Variants in RSU1 observed in about 807,000 individuals in gnomAD.
RSU1 encodes the protein Ras suppressor protein 1, also known as rsu-1.
RSU1 carries 26 observed loss-of-function variants against 31.1 expected under a neutral mutation model. The ratio of observed to expected loss-of-function variants is 0.84; its 90% CI spans 0.61 to 1.16. The LOEUF is 1.16. RSU1 is among the 50% of genes most tolerant of loss of function. RSU1 has a pLI of 0.00. For missense variants in RSU1, 320 were observed against 339.1 expected (o/e 0.94, Z 0.44); for synonymous variants, 164 against 136.3 (o/e 1.20, Z -1.41).
chr10:16,692,603 C>G (rs535329240), intron 8 of RSU1, among the ~76,000 whole-genome samples: 21 of 152,224 alleles, frequency 1.4e-4, no homozygotes, highest in African/African-American at 4.8e-4. Flanking sequence ...AGAGCCCCAT[C>G]TAAAACTCAC....
chr10:16,661,287 CGTGTGTGTGTGTGTGTGT>C (rs56675037), intron 8 of RSU1, among the ~76,000 whole-genome samples: 6 of 132,830 alleles, frequency 4.5e-5, no homozygotes, highest in African/African-American at 8.8e-5. Context: ...GTAGAGAGTG[CGTGTGTGTGTGTGTGTGT>C]GTGTGTGTGT....
chr10:16,788,255 TC>T (rs1283547340), intron 2 of RSU1, among the ~76,000 whole-genome samples: 3 of 152,198 alleles, frequency 2.0e-5, no homozygotes, highest in Non-Finnish European at 1.5e-5. Flanking sequence ...GCCCCTGGTT[TC>T]CCGTTACCAA....
At chr10:16,675,477 G>A (rs1275229610) in intron 8 of RSU1, among the ~76,000 whole-genome samples, 1 of 152,098 alleles carries the variant, frequency 6.6e-6, no homozygotes, top group African/African-American at 2.4e-5. Flanking sequence ...TTTCAGGCAG[G>A]TATTGCTCTG....
rs1833505243 is a variant in RSU1, at chr10:16,591,582, A to G, written c.*1812T>C. ...ATTTGCACATTTCTCTTTGTTACAC[A>G]TGGCTTCTTTTTGCTTTGATCTGTA... is the stretch of plus-strand genomic sequence containing the variant. On this transcript the variant is annotated 3_prime_UTR_variant, in exon 9 of 9. Transcript: ENST00000345264. 1 of 152,158 alleles carries G rather than the reference A, an allele frequency of 6.6e-6. No homozygotes were observed. The highest frequency in any genetic ancestry group is 2.4e-5 in the African/African-American group (1 of 41,432). The allele number at this position is 152,158 out of a possible 1,614,324, so 9.4% of individuals were successfully genotyped here. A position where few individuals can be genotyped will look rare whatever the true frequency, so the allele number is the denominator to read the frequency against.
chr10:16,746,265 AG>A (rs1360080711), intron 7 of RSU1, among the ~76,000 whole-genome samples: 10 of 152,220 alleles, frequency 6.6e-5, no homozygotes, highest in African/African-American at 1.9e-4. Flanking sequence ...CAGGGCACTA[AG>A]CTGGCTAGCC....
intron 8 of RSU1, among the ~76,000 whole-genome samples, chr10:16,661,906 C>G (rs1004621631): frequency 6.6e-6 from 1 of 152,200 alleles, no homozygotes. Flanking sequence ...TCTACTCTTA[C>G]AAGTTCAGCA....
chr10:16,636,098 A>G (rs1016630290), intron 8 of RSU1, among the ~76,000 whole-genome samples: 9 of 151,822 alleles, frequency 5.9e-5, no homozygotes, highest in African/African-American at 2.2e-4. Context: ...TTTTATACTC[A>G]CTTGCTAAGT....
intron 8 of RSU1, among the ~76,000 whole-genome samples, chr10:16,665,900 T>C (rs1834980346): frequency 1.3e-5 from 2 of 152,218 alleles, no homozygotes; most frequent in South Asian, 4.1e-4. Context: ...GCTATGCAGT[T>C]ATGAATAATT....
intron 8 of RSU1, among the ~76,000 whole-genome samples, chr10:16,647,815 T>C (rs1334334721): frequency 6.6e-6 from 1 of 152,192 alleles, no homozygotes; most frequent in Non-Finnish European, 1.5e-5. Flanking sequence ...GTGAATTGTA[T>C]GGGATGTGAA....
intron 3 of RSU1, among the ~76,000 whole-genome samples, chr10:16,776,659 A>G (rs1021339722): frequency 8.5e-5 from 13 of 152,156 alleles, no homozygotes; most frequent in Non-Finnish European, 5.9e-5. Context: ...GTATAAAACT[A>G]AACAATTACA....
chr10:16,604,235 C>T (rs980169091), intron 8 of RSU1, among the ~76,000 whole-genome samples: 1 of 152,134 alleles, frequency 6.6e-6, no homozygotes, highest in African/African-American at 2.4e-5. Flanking sequence ...CAGAATAGAT[C>T]GAAGCAGAAA....
intron 7 of RSU1, among the ~76,000 whole-genome samples, chr10:16,727,705 A>T (rs1431464055): frequency 6.6e-6 from 1 of 152,230 alleles, no homozygotes; most frequent in Non-Finnish European, 1.5e-5. Context: ...AAGTGATAAA[A>T]TAAGAAAATT....
chr10:16,727,018 T>C (rs1836410831), intron 7 of RSU1: 2 of 455,974 alleles, frequency 4.4e-6, no homozygotes, highest in Non-Finnish European at 8.8e-6. Flanking sequence ...GAACATTTGC[T>C]TTAACAACTT....
chr10:16,738,950 G>A (rs1410100000), intron 7 of RSU1, among the ~76,000 whole-genome samples: 1 of 150,772 alleles, frequency 6.6e-6, no homozygotes, highest in African/African-American at 2.4e-5. Context: ...TTATGAACGA[G>A]AACATGTGGT....
chr10:16,619,072 G>A (rs1035374771), intron 8 of RSU1, among the ~76,000 whole-genome samples: 2 of 152,204 alleles, frequency 1.3e-5, no homozygotes, highest in Non-Finnish European at 2.9e-5. Flanking sequence ...GCACCTCATT[G>A]AGAATGATTC....
At chr10:16,808,437 C>T (rs111624061) in intron 2 of RSU1, among the ~76,000 whole-genome samples, 4,520 of 143,452 alleles carry the variant, frequency 0.032, 209 homozygotes, top group African/African-American at 0.11. Context: ...TGACCGTGAT[C>T]ATGCCACTGC....
intron 4 of RSU1, among the ~76,000 whole-genome samples, chr10:16,757,028 AGTGT>A (rs924050908): frequency 2.8e-4 from 39 of 140,870 alleles, no homozygotes; most frequent in African/African-American, 9.6e-4. Context: ...GTGTGTACGC[AGTGT>A]GTGTGTGGTG....
chr10:16,648,459 C>A (rs1022488480), intron 8 of RSU1, among the ~76,000 whole-genome samples: 3 of 152,120 alleles, frequency 2.0e-5, no homozygotes, highest in Admixed American at 6.5e-5. Flanking sequence ...ACATTGCCTA[C>A]GAAGATAGGT....
At chr10:16,687,035 G>A (rs1002279657) in intron 8 of RSU1, among the ~76,000 whole-genome samples, 14 of 152,224 alleles carry the variant, frequency 9.2e-5, no homozygotes, top group African/African-American at 3.4e-4. Flanking sequence ...AGCACAGAGT[G>A]CTGGAGGATT....
Sources: gnomAD v4.1 joint callset for allele counts (sites outside exome capture counted in the v4.1 genomes callset) on GRCh38, gnomAD v4.1.1 for gene constraint, MANE v1.5 for transcripts, NCBI Gene and HGNC (gene_info 2026-07-23, HGNC 2026-07-21) for gene names.